The following CRTAC1 variants were observed in gnomAD, a reference collection of about 807,000 sequenced individuals.
CRTAC1 encodes the protein acidic secreted protein in cartilage.
CRTAC1 carries 37 observed loss-of-function variants against 67.8 expected under a neutral mutation model. That is an observed-to-expected ratio of 0.55 (90% CI 0.42 to 0.72). The LOEUF is 0.72. CRTAC1 is among the 30% of genes least tolerant of loss of function. CRTAC1 has a pLI of 0.00. For synonymous variants in CRTAC1, 348 were observed against 371.0 expected (o/e 0.94, Z 0.71); for missense variants, 780 against 931.6 (o/e 0.84, Z 2.12).
intron 2 of CRTAC1, among the ~76,000 whole-genome samples, chr10:97,986,270 G>T (rs868721865): frequency 6.6e-6 from 1 of 152,152 alleles, no homozygotes; most frequent in Non-Finnish European, 1.5e-5. Context: ...ACTCTCAGGG[G>T]GTCCTCTAAG....
At chr10:97,873,051 A>G (rs1451005727) in intron 14 of CRTAC1, among the ~76,000 whole-genome samples, 1 of 152,190 alleles carries the variant, frequency 6.6e-6, no homozygotes, top group African/African-American at 2.4e-5. Context: ...TGCAGCAAGT[A>G]CCTTATAGGC....
chr10:97,900,762 G>C (rs7905223), intron 8 of CRTAC1, among the ~76,000 whole-genome samples: 1,877 of 53,668 alleles, frequency 0.035, 3 homozygotes, highest in Middle Eastern at 0.065. Context: ...AGTGATTGGA[G>C]CCCGTAGCCC....
intron 5 of CRTAC1, among the ~76,000 whole-genome samples, chr10:97,917,131 T>C (rs2050770341): frequency 6.6e-6 from 1 of 152,210 alleles, no homozygotes; most frequent in African/African-American, 2.4e-5. Flanking sequence ...ATCTCGGCTT[T>C]TGTGATTTGT....
chr10:97,948,254 T>G (rs188045936), intron 2 of CRTAC1, among the ~76,000 whole-genome samples: 90 of 152,238 alleles, frequency 5.9e-4, no homozygotes, highest in African/African-American at 2.0e-3. Flanking sequence ...GCCAACAGTG[T>G]CAGATGCTTT....
intron 1 of CRTAC1, among the ~76,000 whole-genome samples, chr10:98,014,934 A>G (rs114300520): frequency 0.012 from 1,862 of 152,360 alleles, 40 homozygotes; most frequent in African/African-American, 0.041. Flanking sequence ...TGATCTAGCA[A>G]TTCCACTTGG....
chr10:97,880,322 T>C lies in CRTAC1; in HGVS notation c.1746A>G (p.Gly582=). The C allele has an allele frequency of 6.2e-7, 1 of 1,614,184 alleles. No homozygotes were observed. The highest frequency in any genetic ancestry group is 8.5e-7 in the Non-Finnish European group (1 of 1,180,004). ...RDKPVCVNTY[G]SYRCRTNKKC... ...TCTTGTTGGTCCGGCACCTGTAGCT[T>C]CCATAGGTGTTGACACATACGGGCT... Residue 582 remains glycine (G), a synonymous_variant, in exon 14 of 15, where the codon GGA becomes GGG. Coordinates refer to ENST00000370597, the MANE Select transcript of CRTAC1 (RefSeq NM_018058.7).
At chr10:97,886,421 G>A (rs944057473) in intron 11 of CRTAC1, among the ~76,000 whole-genome samples, 13 of 152,290 alleles carry the variant, frequency 8.5e-5, no homozygotes, top group African/African-American at 2.9e-4. Flanking sequence ...GGAGAGGCTC[G>A]GAGACAGAGG....
At chr10:97,881,772 C>T (rs1326676552) in intron 13 of CRTAC1, among the ~76,000 whole-genome samples, 1 of 151,982 alleles carries the variant, frequency 6.6e-6, no homozygotes, top group Non-Finnish European at 1.5e-5. Flanking sequence ...ACCACTGCTC[C>T]TCCACCTCCC....
intron 2 of CRTAC1, among the ~76,000 whole-genome samples, chr10:97,980,122 C>G (rs2051868615): frequency 6.6e-6 from 1 of 152,172 alleles, no homozygotes; most frequent in South Asian, 2.1e-4. Flanking sequence ...TTTGCTCATT[C>G]ATAAAATGGA....
At chr10:97,989,290 A>G (rs1311952702) in intron 2 of CRTAC1, among the ~76,000 whole-genome samples, 1 of 152,176 alleles carries the variant, frequency 6.6e-6, no homozygotes, top group Non-Finnish European at 1.5e-5. Flanking sequence ...CAACGCACAC[A>G]CAGAGTCATA....
chr10:97,931,810 C>T (rs1209951810), intron 3 of CRTAC1, among the ~76,000 whole-genome samples: 1 of 152,190 alleles, frequency 6.6e-6, no homozygotes, highest in African/African-American at 2.4e-5. Context: ...AGTGAAGCAG[C>T]TGGGGTGAGC....
intron 2 of CRTAC1, among the ~76,000 whole-genome samples, chr10:98,004,752 G>C (rs974770027): frequency 6.6e-6 from 1 of 151,830 alleles, no homozygotes; most frequent in Non-Finnish European, 1.5e-5. Context: ...ATATTATGCA[G>C]TGAAAAAAAG....
chr10:97,886,649 C>CTT lies in CRTAC1; in HGVS notation c.1487-2300_1487-2299dup, dbSNP rs34354595. Among the ~76,000 whole-genome samples the CTT allele has an allele frequency of 4.2e-3, 598 of 141,716 alleles. 11 individuals are homozygous for CTT. The highest frequency in any genetic ancestry group is 0.016 in the East Asian group (79 of 4,892). The allele number at this position is 141,716 out of a possible 152,430, so 93.0% of individuals were successfully genotyped here. Reference sequence around the variant, plus strand: ...AACTACAGATTTTTTTTTCTTTTTTCTTTTTTTTTTTTTGAGATAGTATCT... The same window carrying CTT: ...AACTACAGATTTTTTTTTCTTTTTTCTTTTTTTTTTTTTTTGAGATAGTATCT... On this transcript the variant is annotated intron_variant, in intron 11 of 14. Transcript: ENST00000370597.
chr10:97,952,983 G>C (rs2051383036), intron 2 of CRTAC1, among the ~76,000 whole-genome samples: 1 of 152,194 alleles, frequency 6.6e-6, no homozygotes, highest in African/African-American at 2.4e-5. Flanking sequence ...TTCTGGAGCT[G>C]AGTAGATTCC....
At chr10:97,891,204 A>C (rs2136550787) in intron 11 of CRTAC1, among the ~76,000 whole-genome samples, 1 of 152,350 alleles carries the variant, frequency 6.6e-6, no homozygotes, top group Admixed American at 6.5e-5. Flanking sequence ...AATATTCCAA[A>C]CAGTGGTGAA....
chr10:97,899,825 G>A (rs1421679112), intron 8 of CRTAC1, among the ~76,000 whole-genome samples: 10 of 152,162 alleles, frequency 6.6e-5, no homozygotes, highest in Admixed American at 5.2e-4. Flanking sequence ...CAAGGCCCTG[G>A]CACACCCTCC....
chr10:97,865,941 G>T, intron 14 of CRTAC1: 2 of 582,498 alleles, frequency 3.4e-6, no homozygotes, highest in Non-Finnish European at 2.8e-6. Context: ...TCCCGATGGG[G>T]CTGGTCTGGG....
chr10:97,891,239 A>C (rs1444583727), intron 11 of CRTAC1, among the ~76,000 whole-genome samples: 1 of 152,212 alleles, frequency 6.6e-6, no homozygotes, highest in Non-Finnish European at 1.5e-5. Flanking sequence ...TTCTTCTTTT[A>C]AAAATAGTTT....
intron 14 of CRTAC1, chr10:97,867,129 T>C (rs758621467): frequency 1.3e-5 from 2 of 152,170 alleles, no homozygotes; most frequent in African/African-American, 2.4e-5. Context: ...GCAGACACTG[T>C]GTGTTCAGCC....
Sources: gnomAD v4.1 joint callset for allele counts (sites outside exome capture counted in the v4.1 genomes callset) on GRCh38, gnomAD v4.1.1 for gene constraint, MANE v1.5 for transcripts, NCBI Gene and HGNC (gene_info 2026-07-23, HGNC 2026-07-21) for gene names.